Variants in FSHR observed in about 807,000 individuals in gnomAD.
The protein encoded by FSHR is follicle stimulating hormone receptor, also known as follicle-stimulating hormone receptor.
Under a neutral mutation model 52.1 loss-of-function variants are expected in FSHR, and 46 were observed. That is an observed-to-expected ratio of 0.88 (90% CI 0.70 to 1.13). The LOEUF is 1.13. FSHR is among the 50% of genes most tolerant of loss of function. The pLI, the probability that FSHR is intolerant of heterozygous loss-of-function variation, is 0.00. For synonymous variants in FSHR, 399 were observed against 309.6 expected (o/e 1.29, Z -3.03); for missense variants, 964 against 834.6 (o/e 1.16, Z -1.91).
rs1336105746 is a variant in FSHR, at chr2:48,963,847, C to T, written c.974G>A (p.Gly325Glu). The T allele has an allele frequency of 1.9e-6, 3 of 1,614,132 alleles. No homozygotes were observed. Among genetic ancestry groups the T allele is most frequent in the Non-Finnish European group, 2.5e-6 (3 of 1,180,014 alleles). ...AEDNESSYSR[G>E]FDMTYTEFDY... ...AAACTCAGTGTACGTCATGTCAAAT[C>T]CTCTGCTGTAGCTGGACTCATTGTC... Residue 325 changes from glycine to glutamate, a missense_variant, in exon 10 of 10, where the codon GGA becomes GAA. Physicochemically the swap from Gly to Glu is moderately conservative, Grantham distance 98 (BLOSUM62 -2). Transcript: ENST00000406846.
At chr2:49,022,874 G>A (rs908537663) in intron 2 of FSHR, among the ~76,000 whole-genome samples, 7 of 152,062 alleles carry the variant, frequency 4.6e-5, no homozygotes, top group Admixed American at 2.6e-4. Flanking sequence ...CTAGGACAGC[G>A]CTTCTCAAAT....
intron 2 of FSHR, among the ~76,000 whole-genome samples, chr2:49,043,827 G>A (rs774661612): frequency 5.9e-5 from 9 of 152,092 alleles, no homozygotes; most frequent in African/African-American, 2.2e-4. Context: ...AGAAGACCTC[G>A]GATTCCCATT....
chr2:49,089,314 G>C (rs952982697), intron 1 of FSHR, among the ~76,000 whole-genome samples: 13 of 152,036 alleles, frequency 8.6e-5, no homozygotes, highest in African/African-American at 3.1e-4. Flanking sequence ...ATGAACCAGA[G>C]ATTTTTACCA....
At chr2:49,017,699 C>T in intron 3 of FSHR, 136 bp from the exon 4 acceptor site, 1 of 719,896 alleles carries the variant, frequency 1.4e-6, no homozygotes, top group Non-Finnish European at 2.5e-6. Context: ...TCCATCCATC[C>T]ATCCATCATT....
At chr2:49,011,998 A>C (rs1667292184) in intron 4 of FSHR, among the ~76,000 whole-genome samples, 1 of 152,128 alleles carries the variant, frequency 6.6e-6, no homozygotes, top group African/African-American at 2.4e-5. Context: ...AATCTCCTGG[A>C]ATTGTTCCCA....
At chr2:49,015,236 T>G (rs1270183345) in intron 4 of FSHR, among the ~76,000 whole-genome samples, 1 of 152,154 alleles carries the variant, frequency 6.6e-6, no homozygotes, top group Non-Finnish European at 1.5e-5. Flanking sequence ...TATAGTTTCT[T>G]TTCCATTCTG....
chr2:49,070,008 C>T (rs1669671026), intron 1 of FSHR, among the ~76,000 whole-genome samples: 1 of 152,110 alleles, frequency 6.6e-6, no homozygotes, highest in African/African-American at 2.4e-5. Context: ...CTTGTTTGTG[C>T]TTGGCTGCTA....
intron 1 of FSHR, among the ~76,000 whole-genome samples, chr2:49,133,018 C>T (rs890007970): frequency 2.2e-5 from 3 of 135,238 alleles, no homozygotes; most frequent in African/African-American, 8.6e-5. Context: ...GTATTTGAAC[C>T]AAGACCGCTT....
chr2:49,012,705 T>A (rs1186666417), intron 4 of FSHR, among the ~76,000 whole-genome samples: 1 of 152,162 alleles, frequency 6.6e-6, no homozygotes, highest in Admixed American at 6.5e-5. Context: ...AACTCAATCC[T>A]ACTGGTCCCC....
At chr2:49,000,446 A>G (rs911458414) in intron 4 of FSHR, among the ~76,000 whole-genome samples, 5 of 152,150 alleles carry the variant, frequency 3.3e-5, no homozygotes, top group African/African-American at 1.2e-4. Flanking sequence ...TTGTGCTTTT[A>G]ACTTGGAGCA....
At chr2:49,140,111 T>C (rs1572799780) in intron 1 of FSHR, among the ~76,000 whole-genome samples, 1 of 152,152 alleles carries the variant, frequency 6.6e-6, no homozygotes, top group South Asian at 2.1e-4. Context: ...ACATCTGACG[T>C]AGTTTGGACA....
At chr2:49,122,965 C>T (rs1671870176) in intron 1 of FSHR, among the ~76,000 whole-genome samples, 1 of 152,158 alleles carries the variant, frequency 6.6e-6, no homozygotes, top group Admixed American at 6.5e-5. Context: ...ATCCTCTTCT[C>T]CAAGAACTGT....
At chr2:49,030,538 G>T (rs575135207) in intron 2 of FSHR, among the ~76,000 whole-genome samples, 8 of 151,662 alleles carry the variant, frequency 5.3e-5, no homozygotes, top group Admixed American at 4.6e-4. Context: ...TCTTATCTTG[G>T]CTTGAAAGAG....
At chr2:49,073,416 C>G (rs1669826338) in intron 1 of FSHR, among the ~76,000 whole-genome samples, 1 of 151,900 alleles carries the variant, frequency 6.6e-6, no homozygotes, top group Non-Finnish European at 1.5e-5. Context: ...AAACAACATG[C>G]TGGCTGAAAG....
In FSHR at chr2:48,968,874, T is replaced by G. The variant is rs1369807382; in HGVS notation, c.678A>C (p.Ser226=). ...TAGGCAGGGAATGGATCCTTGTTCT[T>G]GAAATATCTCTATAAAGAGAAAAGG... ...GASGPVILDI[S]RTRIHSLPSY... Residue 226 remains serine (S), a synonymous_variant, in exon 9 of 10, where the codon TCA becomes TCC. Transcript: ENST00000406846. 3 of 1,613,344 alleles carry G rather than the reference T, an allele frequency of 1.9e-6. No individual in the cohort carries two copies. The highest frequency in any genetic ancestry group is 1.7e-5 in the Admixed American group (1 of 59,988).
chr2:49,017,119 T>C lies in FSHR; in HGVS notation c.374+370A>G, dbSNP rs1572638439. ...ATATTTATCAAGGGAAAAATGCATA[T>C]ATGCAGAATAAGAGAGACAATGGCT... On this transcript the variant is annotated intron_variant, in intron 4 of 9. Coordinates refer to ENST00000406846, the MANE Select transcript of FSHR (RefSeq NM_000145.4). Among the ~76,000 whole-genome samples the C allele has an allele frequency of 3.9e-5, 6 of 152,298 alleles. No homozygotes were observed. The South Asian group carries it at 1.2e-3, about 32-fold the overall frequency.
intron 2 of FSHR, among the ~76,000 whole-genome samples, chr2:49,029,569 G>C (rs1360714376): frequency 6.6e-6 from 1 of 152,182 alleles, no homozygotes; most frequent in African/African-American, 2.4e-5. Context: ...GATGTGTGAA[G>C]GTCCTCTGTC....
chr2:49,003,105 C>T (rs1425121970), intron 4 of FSHR, among the ~76,000 whole-genome samples: 5 of 152,060 alleles, frequency 3.3e-5, no homozygotes, highest in South Asian at 2.1e-4. Flanking sequence ...TGGGTGAGCT[C>T]GTGATTAAAC....
intron 1 of FSHR, among the ~76,000 whole-genome samples, chr2:49,121,671 T>C (rs1177683274): frequency 6.6e-6 from 1 of 152,226 alleles, no homozygotes; most frequent in East Asian, 1.9e-4. Flanking sequence ...TTGGTGCTTA[T>C]ATAGACAGCA....
Sources: gnomAD v4.1 joint callset for allele counts (sites outside exome capture counted in the v4.1 genomes callset) on GRCh38, gnomAD v4.1.1 for gene constraint, MANE v1.5 for transcripts, NCBI Gene and HGNC (gene_info 2026-07-23, HGNC 2026-07-21) for gene names.